RBFOX1: variants seen among roughly 807,000 people sequenced by gnomAD.
The protein encoded by RBFOX1 is RNA binding protein fox-1 homolog 1.
A neutral mutation model predicts 57.7 loss-of-function variants in RBFOX1; 8 were observed. That is an observed-to-expected ratio of 0.14 (90% CI 0.08 to 0.25). The LOEUF (loss-of-function observed/expected upper bound fraction) is 0.25, where lower values mean the gene tolerates loss of function less well. Among genes scored for constraint, RBFOX1 ranks in the 10% least tolerant of loss-of-function variants. The pLI is 1.00. For missense variants in RBFOX1, 611 were observed against 548.5 expected, an observed-to-expected ratio of 1.11 and a Z score of -1.14; for synonymous variants, 326 against 222.4, an observed-to-expected ratio of 1.47 and a Z score of -4.15.
intron 3 of RBFOX1, among the ~76,000 whole-genome samples, chr16:6,964,222 T>C (rs978501314): frequency 1.3e-5 from 2 of 152,194 alleles, no homozygotes; most frequent in South Asian, 4.1e-4. Flanking sequence ...TTTCACCTTG[T>C]TGGCCAGGCT....
intron 4 of RBFOX1, among the ~76,000 whole-genome samples, chr16:7,383,442 A>G (rs1319581483): frequency 2.6e-5 from 4 of 152,136 alleles, no homozygotes; most frequent in African/African-American, 9.7e-5. Context: ...ACATTGAAAT[A>G]ATCTCTTGAA....
intron 4 of RBFOX1, among the ~76,000 whole-genome samples, chr16:7,217,937 CAT>C (rs1491587358): frequency 6.6e-6 from 1 of 150,456 alleles, no homozygotes; most frequent in Non-Finnish European, 1.5e-5. Flanking sequence ...TGTGTGCGTG[CAT>C]GTGTGTGTGT....
At chr16:6,278,473 C>T (rs5020973) in intron 1 of RBFOX1, among the ~76,000 whole-genome samples, 146,671 of 150,376 alleles carry the variant, frequency 0.98, 71,667 homozygotes, top group East Asian at 1. Context: ...TGTGCGTCAC[C>T]TCCTACTTTA....
Position 7,193,633 on chromosome 16 carries a change from A to T in RBFOX1, c.27+141535A>T, listed in dbSNP as rs117414915. ...GGTACTACATTGTGTATTCTGCTTT[A>T]TAACTGAGGATACTGCAACAGTGTG... is the stretch of plus-strand genomic sequence containing the variant. On this transcript the variant is annotated intron_variant, in intron 4 of 15. Transcript: ENST00000550418. 3.3e-3 allele frequency among the ~76,000 whole-genome samples: 499 copies of T among 152,304 alleles called. 2 individuals are homozygous for T. The highest frequency in any genetic ancestry group is 5.7e-3 in the Non-Finnish European group (391 of 68,030).
chr16:7,364,235 C>G (rs1227028640), intron 4 of RBFOX1, among the ~76,000 whole-genome samples: 1 of 152,130 alleles, frequency 6.6e-6, no homozygotes, highest in Admixed American at 6.5e-5. Flanking sequence ...AGCGGCTTTC[C>G]CATCTTCTAA....
intron 2 of RBFOX1, among the ~76,000 whole-genome samples, chr16:6,463,082 G>A (rs17140292): frequency 6.6e-6 from 1 of 151,446 alleles, no homozygotes; most frequent in Admixed American, 6.6e-5. Flanking sequence ...ATAACTTAAG[G>A]AGCTATCCTT....
At chr16:5,982,668 A>T (rs1212935632) in intron 4 of RBFOX1, among the ~76,000 whole-genome samples, 1 of 152,092 alleles carries the variant, frequency 6.6e-6, no homozygotes. Flanking sequence ...CTGAAATCTC[A>T]TCTCACCACT....
intron 2 of RBFOX1, among the ~76,000 whole-genome samples, chr16:5,548,627 A>G (rs1216573114): frequency 6.6e-6 from 1 of 152,100 alleles, no homozygotes; most frequent in East Asian, 1.9e-4. Flanking sequence ...CCATAAATAT[A>G]TACACCAACT....
Position 7,060,295 on chromosome 16 carries a change from C to T in RBFOX1, c.27+8197C>T, listed in dbSNP as rs961246478. Among the ~76,000 whole-genome samples, 17 of 152,216 alleles carry T rather than the reference C, an allele frequency of 1.1e-4. No individual in the cohort carries two copies. The East Asian group carries it at 2.9e-3, about 26-fold the overall frequency. On this transcript the variant is annotated intron_variant, in intron 4 of 15. Transcript: ENST00000550418. The stretch of plus-strand genomic sequence containing the variant: ...AGAACAGGCAGTGGGCCATAGTTAG[C>T]CAACCCCTGCTGGTGACTGAAATGT...
intron 2 of RBFOX1, among the ~76,000 whole-genome samples, chr16:6,550,141 T>TC (rs2096963570): frequency 6.6e-6 from 1 of 151,966 alleles, no homozygotes; most frequent in African/African-American, 2.4e-5. Flanking sequence ...CTCCCTCCCC[T>TC]CTCTCTATCT....
At chr16:6,467,854 T>G (rs1048652858) in intron 2 of RBFOX1, among the ~76,000 whole-genome samples, 2 of 152,250 alleles carry the variant, frequency 1.3e-5, no homozygotes, top group Admixed American at 1.3e-4. Context: ...TGTAATATTA[T>G]GATGTAAAGT....
At chr16:5,415,794 T>A (rs1201885108) in intron 1 of RBFOX1, among the ~76,000 whole-genome samples, 1 of 152,064 alleles carries the variant, frequency 6.6e-6, no homozygotes, top group Non-Finnish European at 1.5e-5. Flanking sequence ...ATAGCAAAAA[T>A]AATGACAGTG....
chr16:6,031,636 TG>T (rs1184810013), intron 1 of RBFOX1, among the ~76,000 whole-genome samples: 1 of 152,148 alleles, frequency 6.6e-6, no homozygotes, highest in African/African-American at 2.4e-5. Flanking sequence ...CGTGTGTGTA[TG>T]TATGTACATG....
intron 2 of RBFOX1, among the ~76,000 whole-genome samples, chr16:5,507,804 A>G (rs2043429961): frequency 6.6e-6 from 1 of 152,174 alleles, no homozygotes; most frequent in Admixed American, 6.5e-5. Flanking sequence ...AATGAACCCC[A>G]AGGATCGCTG....
chr16:6,718,943 G>A (rs564180030), intron 3 of RBFOX1, among the ~76,000 whole-genome samples: 2 of 151,948 alleles, frequency 1.3e-5, no homozygotes, highest in Admixed American at 6.6e-5. Flanking sequence ...GCTTGCTGCA[G>A]CTTCAACCTC....
intron 1 of RBFOX1, among the ~76,000 whole-genome samples, chr16:6,219,298 A>C (rs1358968108): frequency 6.6e-6 from 1 of 151,996 alleles, no homozygotes; most frequent in Non-Finnish European, 1.5e-5. Context: ...GGGAGACTGC[A>C]TCACTGCAAA....
chr16:5,802,452 C>T (rs754438280), intron 3 of RBFOX1, among the ~76,000 whole-genome samples: 2 of 152,150 alleles, frequency 1.3e-5, no homozygotes, highest in African/African-American at 4.8e-5. Context: ...GATCTACAGG[C>T]TCAGGGGCCC....
intron 9 of RBFOX1, among the ~76,000 whole-genome samples, chr16:7,599,777 C>G (rs1015308380): frequency 1.4e-5 from 2 of 147,298 alleles, no homozygotes; most frequent in African/African-American, 5.1e-5. Context: ...GGACTACAGC[C>G]ACATGCCACA....
At chr16:7,709,974 A>C in intron 15 of RBFOX1, 1 of 1,007,766 alleles carries the variant, frequency 9.9e-7, no homozygotes. Flanking sequence ...TTGAATTGCC[A>C]ATACTTTTAG....
Sources: gnomAD v4.1 joint callset for allele counts (sites outside exome capture counted in the v4.1 genomes callset) on GRCh38, gnomAD v4.1.1 for gene constraint, MANE v1.5 for transcripts, NCBI Gene and HGNC (gene_info 2026-07-23, HGNC 2026-07-21) for gene names.